The following SMAD3 variants were observed in gnomAD, a reference collection of about 807,000 sequenced individuals.
SMAD3 encodes MAD homolog 3.
A neutral mutation model predicts 51.8 loss-of-function variants in SMAD3; 12 were observed. The observed-to-expected ratio is 0.23, with a 90% confidence interval of 0.15 to 0.38. The LOEUF (loss-of-function observed/expected upper bound fraction) is 0.38. SMAD3 is among the 10% of genes least tolerant of loss of function. SMAD3 has a pLI of 1.00. For synonymous variants in SMAD3, 238 were observed against 227.7 expected, an observed-to-expected ratio of 1.05 and a Z score of -0.41; for missense variants, 294 against 565.6, an observed-to-expected ratio of 0.52 and a Z score of 4.87.
chr15:67,190,384 C>G (rs779731392), intron 8 of SMAD3, 29 bp from the exon 9 acceptor site: 2 of 1,608,918 alleles, frequency 1.2e-6, no homozygotes, highest in Non-Finnish European at 1.7e-6. Context: ...TTAAGTCCCC[C>G]ACCCCACCCC....
At chr15:67,089,295 C>G (rs1960461541) in intron 1 of SMAD3, among the ~76,000 whole-genome samples, 2 of 152,178 alleles carry the variant, frequency 1.3e-5, no homozygotes, top group South Asian at 4.1e-4. Flanking sequence ...TCTTGGTGAT[C>G]TTGAATAGCA....
At chr15:67,152,556 C>T (rs1743755025) in intron 1 of SMAD3, among the ~76,000 whole-genome samples, 1 of 152,112 alleles carries the variant, frequency 6.6e-6, no homozygotes, top group Admixed American at 6.5e-5. Flanking sequence ...TCCACTGTTG[C>T]CTTAAGCCCA....
intron 6 of SMAD3, 74 bp from the exon 7 acceptor site, chr15:67,184,653 C>T (rs930259496): frequency 2.6e-5 from 41 of 1,575,416 alleles, no homozygotes; most frequent in Admixed American, 1.0e-4. Context: ...GCCTCCTTTG[C>T]GAGCCTCAGG....
At chr15:67,087,772 G>A (rs867140261) in intron 1 of SMAD3, among the ~76,000 whole-genome samples, 1 of 152,140 alleles carries the variant, frequency 6.6e-6, no homozygotes, top group Non-Finnish European at 1.5e-5. Flanking sequence ...TTATATAGAC[G>A]TGTGTGTTTG....
At chr15:67,067,520 G>A (rs2140190683) in intron 1 of SMAD3, among the ~76,000 whole-genome samples, 1 of 152,326 alleles carries the variant, frequency 6.6e-6, no homozygotes, top group African/African-American at 2.4e-5. Flanking sequence ...GGGACTGTCA[G>A]CCGCAAAGGG....
At chr15:67,127,891 G>A (rs937833053) in intron 1 of SMAD3, among the ~76,000 whole-genome samples, 4 of 152,194 alleles carry the variant, frequency 2.6e-5, no homozygotes, top group Non-Finnish European at 4.4e-5. Context: ...ATGAAGCTGG[G>A]GGGAGCTGAG....
At chr15:67,089,185 A>G (rs1318504697) in intron 1 of SMAD3, among the ~76,000 whole-genome samples, 1 of 152,154 alleles carries the variant, frequency 6.6e-6, no homozygotes, top group Non-Finnish European at 1.5e-5. Flanking sequence ...AGGCCAGGCT[A>G]GGAGACCCCA....
intron 1 of SMAD3, among the ~76,000 whole-genome samples, chr15:67,157,592 T>C (rs1042046793): frequency 5.9e-5 from 9 of 152,266 alleles, no homozygotes; most frequent in Non-Finnish European, 1.3e-4. Flanking sequence ...CTGGAACTTA[T>C]GTGCTGTGCT....
intron 1 of SMAD3, among the ~76,000 whole-genome samples, chr15:67,091,812 C>T (rs4776339): frequency 0.45 from 68,429 of 151,914 alleles, 17,024 homozygotes; most frequent in South Asian, 0.7. Context: ...GTCAGTCAAA[C>T]GGGAAGGAGG....
intron 1 of SMAD3, among the ~76,000 whole-genome samples, chr15:67,124,347 C>T (rs1000874010): frequency 6.6e-6 from 1 of 152,092 alleles, no homozygotes; most frequent in Admixed American, 6.6e-5. Flanking sequence ...CTAGATGACC[C>T]GGCCAGCCAT....
intron 1 of SMAD3, among the ~76,000 whole-genome samples, chr15:67,155,986 CAA>C (rs35796267): frequency 0.039 from 5,539 of 141,298 alleles, 122 homozygotes; most frequent in Non-Finnish European, 0.053. Context: ...AACTCCATCT[CAA>C]AAAAAAAAAA....
At chr15:67,069,470 G>A (rs1250017522) in intron 1 of SMAD3, among the ~76,000 whole-genome samples, 1 of 152,130 alleles carries the variant, frequency 6.6e-6, no homozygotes, top group African/African-American at 2.4e-5. Context: ...CGTTATATGA[G>A]GAATAAGGAG....
intron 1 of SMAD3, chr15:67,142,840 AC>A: frequency 2.2e-6 from 1 of 454,400 alleles, no homozygotes; most frequent in Non-Finnish European, 4.4e-6. Context: ...GCTGGTGGGC[AC>A]CCCATGTAGA....
At chr15:67,087,231 T>G (rs1442485067) in intron 1 of SMAD3, among the ~76,000 whole-genome samples, 1 of 152,150 alleles carries the variant, frequency 6.6e-6, no homozygotes, top group African/African-American at 2.4e-5. Flanking sequence ...GGAAGCAGCC[T>G]TAGTTGGCAC....
At chr15:67,127,474 C>G (rs1260920562) in intron 1 of SMAD3, among the ~76,000 whole-genome samples, 1 of 152,214 alleles carries the variant, frequency 6.6e-6, no homozygotes, top group Non-Finnish European at 1.5e-5. Flanking sequence ...TGAGCCGCAC[C>G]CTGCAGACGG....
chr15:67,069,216 G>T (rs920029333), intron 1 of SMAD3, among the ~76,000 whole-genome samples: 1 of 152,124 alleles, frequency 6.6e-6, no homozygotes, highest in African/African-American at 2.4e-5. Flanking sequence ...CACACTTATC[G>T]ACATAAAGAA....
At chr15:67,167,280 C>T (rs1020987859) in intron 4 of SMAD3, among the ~76,000 whole-genome samples, 2 of 152,120 alleles carry the variant, frequency 1.3e-5, no homozygotes, top group African/African-American at 4.8e-5. Flanking sequence ...CAGCCTGGTG[C>T]ATTCTGGGGA....
At chr15:67,185,272 C>T (rs1025413469) in intron 7 of SMAD3, among the ~76,000 whole-genome samples, 1 of 152,300 alleles carries the variant, frequency 6.6e-6, no homozygotes, top group South Asian at 2.1e-4. Context: ...GACAAAGACA[C>T]GGATGAGTTC....
chr15:67,085,868 G>GCACACACGCACA (rs1555406309), intron 1 of SMAD3, among the ~76,000 whole-genome samples: 1 of 100,066 alleles, frequency 1.0e-5, no homozygotes, highest in African/African-American at 3.4e-5. Flanking sequence ...AAAAAAGCGT[G>GCACACACGCACA]CACACACACA....
Sources: allele counts gnomAD v4.1 joint callset (sites outside exome capture counted in the v4.1 genomes callset), GRCh38; gene constraint gnomAD v4.1.1; transcripts MANE v1.5; gene names NCBI Gene and HGNC (gene_info 2026-07-23, HGNC 2026-07-21).